The following MTA3 variants were observed in gnomAD, a reference collection of about 807,000 sequenced individuals.
The protein encoded by MTA3 is metastasis associated 1 family member 3, also known as metastasis-associated protein MTA3.
MTA3 carries 34 observed loss-of-function variants against 83.5 expected under a neutral mutation model. The ratio of observed to expected loss-of-function variants is 0.41; its 90% CI spans 0.31 to 0.54. The LOEUF is 0.54. MTA3 is among the 20% of genes least tolerant of loss of function. The pLI, the probability that MTA3 is intolerant of heterozygous loss-of-function variation, is 0.33. For synonymous variants in MTA3, 303 were observed against 252.7 expected (o/e 1.20, Z -1.89); for missense variants, 761 against 726.4 (o/e 1.05, Z -0.55).
intron 3 of MTA3, among the ~76,000 whole-genome samples, chr2:42,593,951 GTTTTT>G (rs60176061): frequency 1.5e-3 from 209 of 140,266 alleles, no homozygotes; most frequent in South Asian, 3.6e-3. Flanking sequence ...ATAGGATTAA[GTTTTT>G]TTTTTTTTTT....
At position 42,664,032 on chromosome 2, in the gene MTA3, A is replaced by C. The variant is rs188461450; in HGVS notation, c.702+4170A>C. 8.3e-4 allele frequency among the ~76,000 whole-genome samples: 126 copies of C among 152,272 alleles called. 1 individual carries two copies. The highest frequency in any genetic ancestry group is 3.4e-4 in the Non-Finnish European group (23 of 68,024). On this transcript the variant is annotated intron_variant, in intron 8 of 16. Coordinates refer to ENST00000405094, the MANE Select transcript of MTA3 (RefSeq NM_001330442.2). ...TTTCAGAGATAGGGTTTGGATCTGC[A>C]CTTGATTCCTCCTGAGTAGTTATCT...
intron 2 of MTA3, among the ~76,000 whole-genome samples, chr2:42,537,690 T>A (rs1676311407): frequency 1.3e-5 from 2 of 152,336 alleles, no homozygotes; most frequent in Admixed American, 1.3e-4. Context: ...CATTGCGTAA[T>A]CATTTATTGA....
chr2:42,609,001 G>A (rs1294567477), intron 3 of MTA3, among the ~76,000 whole-genome samples: 1 of 150,170 alleles, frequency 6.7e-6, no homozygotes, highest in East Asian at 1.9e-4. Context: ...TAATTTTATG[G>A]TTATAGTTGA....
intron 16 of MTA3, among the ~76,000 whole-genome samples, chr2:42,730,852 A>G (rs969108091): frequency 1.2e-4 from 19 of 152,046 alleles, no homozygotes; most frequent in Non-Finnish European, 5.9e-5. Flanking sequence ...TTTCTTTGCT[A>G]GGAGACTTTT....
Position 42,675,839 on chromosome 2 carries a change from G to T in MTA3, c.703-6562G>T, listed in dbSNP as rs142358289. ...CTGTATTCATGTAAAGCTCTTAAGGGTAAGATTAGACTACGTAAAGTCCAT... is the reference window on the plus strand; with the variant it reads ...CTGTATTCATGTAAAGCTCTTAAGGTTAAGATTAGACTACGTAAAGTCCAT... On this transcript the variant is annotated intron_variant, in intron 8 of 16. Coordinates refer to ENST00000405094, the MANE Select transcript of MTA3 (RefSeq NM_001330442.2). Among the ~76,000 whole-genome samples, 568 of 152,248 alleles carry T rather than the reference G, an allele frequency of 3.7e-3. 3 individuals carry two copies. The highest frequency in any genetic ancestry group is 0.013 in the African/African-American group (541 of 41,548).
intron 5 of MTA3, among the ~76,000 whole-genome samples, chr2:42,641,401 T>A (rs1467707485): frequency 1.3e-5 from 2 of 152,084 alleles, no homozygotes; most frequent in African/African-American, 4.8e-5. Context: ...CTTTATAACT[T>A]ACCTTTGTAA....
chr2:42,604,569 CTTTTCTTTTTTTTT>C (rs1174615886), intron 3 of MTA3, among the ~76,000 whole-genome samples: 1 of 47,472 alleles, frequency 2.1e-5, no homozygotes. Flanking sequence ...CTGAATGTTT[CTTTTCTTTTTTTTT>C]TTTTTTAATT....
At chr2:42,583,079 A>T (rs1274434120) in intron 3 of MTA3, among the ~76,000 whole-genome samples, 3 of 152,136 alleles carry the variant, frequency 2.0e-5, no homozygotes, top group Non-Finnish European at 4.4e-5. Context: ...CCACCAAAAA[A>T]CGGGGAGAAA....
At chr2:42,635,682 A>T (rs551377226) in intron 4 of MTA3, among the ~76,000 whole-genome samples, 4 of 152,238 alleles carry the variant, frequency 2.6e-5, no homozygotes, top group East Asian at 1.9e-4. Flanking sequence ...TAAAGTCAAT[A>T]AAAAAATGTC....
chr2:42,754,658 A>G lies in MTA3; in HGVS notation c.*1259A>G. On this transcript the variant is annotated 3_prime_UTR_variant, in exon 17 of 17. Coordinates refer to ENST00000405094, the MANE Select transcript of MTA3 (RefSeq NM_001330442.2). Reference sequence around the variant, plus strand: ...GCACAGGGTCACAGTCCCAAGAAAGACAACTGGAGTCTGATCTCCCAGCCA... The same window carrying G: ...GCACAGGGTCACAGTCCCAAGAAAGGCAACTGGAGTCTGATCTCCCAGCCA... 1.0e-6 allele frequency: 1 copy of G among 985,478 alleles called. No homozygotes were observed. The highest frequency in any genetic ancestry group is 1.2e-6 in the Non-Finnish European group (1 of 829,952). The allele number at this position is 985,478 out of a possible 1,614,324, so 61.0% of individuals were successfully genotyped here.
At chr2:42,725,863 C>G (rs1667771392) in intron 16 of MTA3, among the ~76,000 whole-genome samples, 1 of 152,192 alleles carries the variant, frequency 6.6e-6, no homozygotes, top group Non-Finnish European at 1.5e-5. Context: ...GTCCCACCCA[C>G]CCCCAGCATC....
chr2:42,564,340 C>T (rs1360086885), upstream of MTA3, among the ~76,000 whole-genome samples: 4 of 152,306 alleles, frequency 2.6e-5, no homozygotes, highest in East Asian at 5.8e-4. Flanking sequence ...TCCGAAAACA[C>T]ATACTGCCCG....
At chr2:42,508,485 C>T (rs962712092) in intron 2 of MTA3, among the ~76,000 whole-genome samples, 2 of 151,918 alleles carry the variant, frequency 1.3e-5, no homozygotes, top group African/African-American at 4.8e-5. Flanking sequence ...GCGTGTGACA[C>T]TATGCCCTGC....
At chr2:42,601,481 G>T (rs1573181103) in intron 3 of MTA3, among the ~76,000 whole-genome samples, 1 of 152,246 alleles carries the variant, frequency 6.6e-6, no homozygotes, top group East Asian at 1.9e-4. Flanking sequence ...TGTCTGTTTT[G>T]TTGTTGTTGT....
chr2:42,609,909 G>T (rs909153514), intron 4 of MTA3, among the ~76,000 whole-genome samples: 2 of 152,142 alleles, frequency 1.3e-5, no homozygotes, highest in Non-Finnish European at 2.9e-5. Flanking sequence ...GACCAGCCTG[G>T]CCAACACGGT....
intron 6 of MTA3, 128 bp downstream of exon 6, chr2:42,644,372 C>A: frequency 1.8e-6 from 1 of 559,758 alleles, no homozygotes; most frequent in African/African-American, 1.9e-5. Context: ...TGCCATTTTA[C>A]TGTTCTTTGT....
chr2:42,684,535 C>T (rs1692204919), intron 9 of MTA3, among the ~76,000 whole-genome samples: 1 of 152,016 alleles, frequency 6.6e-6, no homozygotes, highest in South Asian at 2.1e-4. Context: ...TTCAGATGGT[C>T]AGAATAACAA....
chr2:42,542,970 C>T (rs749086311), intron 2 of MTA3, among the ~76,000 whole-genome samples: 1 of 152,092 alleles, frequency 6.6e-6, no homozygotes, highest in African/African-American at 2.4e-5. Flanking sequence ...TAAGTCTCCC[C>T]GAGGAGTTTG....
chr2:42,717,453 C>G lies in MTA3; in HGVS notation c.1526-1535C>G, dbSNP rs557541325. Among the ~76,000 whole-genome samples, 3 of 152,178 alleles carry G rather than the reference C, an allele frequency of 2.0e-5. No homozygotes were observed. In the South Asian group the frequency reaches 6.2e-4, roughly 32 times the overall value. On this transcript the variant is annotated intron_variant, in intron 14 of 16. Coordinates refer to ENST00000405094, the MANE Select transcript of MTA3 (RefSeq NM_001330442.2). The stretch of plus-strand genomic sequence containing the variant: ...GACAGTATTAAAGTGTTTCAATACA[C>G]GTTTTGTTTTGTCCCTTTGTCTTGC...
Sources: gnomAD v4.1 joint callset for allele counts (sites outside exome capture counted in the v4.1 genomes callset) on GRCh38, gnomAD v4.1.1 for gene constraint, MANE v1.5 for transcripts, NCBI Gene and HGNC (gene_info 2026-07-23, HGNC 2026-07-21) for gene names.